The following CCSER1 variants were observed in gnomAD, a reference collection of about 807,000 sequenced individuals.
The protein encoded by CCSER1 is coiled-coil serine rich protein 1, also known as serine-rich coiled-coil domain-containing protein 1.
CCSER1 carries 41 observed loss-of-function variants against 82.0 expected under a neutral mutation model. That is an observed-to-expected ratio of 0.50 (90% CI 0.39 to 0.65). The LOEUF is 0.65. Among genes scored for constraint, CCSER1 ranks in the 30% least tolerant of loss-of-function variants. The probability of loss-of-function intolerance (pLI) is 0.00; values close to 1 mark genes in which losing one functional copy is unlikely to be tolerated. For missense variants in CCSER1, 1,119 were observed against 1,064.2 expected, an observed-to-expected ratio of 1.05 and a Z score of -0.72; for synonymous variants, 414 against 383.9, an observed-to-expected ratio of 1.08 and a Z score of -0.92.
chr4:90,899,124 C>G (rs1275313005), intron 8 of CCSER1, among the ~76,000 whole-genome samples: 1 of 151,908 alleles, frequency 6.6e-6, no homozygotes, highest in East Asian at 1.9e-4. Flanking sequence ...TTTCTTTCAC[C>G]AGTGTATTGT....
At chr4:90,223,046 G>C (rs1474811500) in intron 1 of CCSER1, among the ~76,000 whole-genome samples, 2 of 152,110 alleles carry the variant, frequency 1.3e-5, no homozygotes, top group Non-Finnish European at 2.9e-5. Context: ...CAGTCAAGAT[G>C]CTGAACAGTT....
chr4:90,912,364 T>TA (rs1343131747), intron 8 of CCSER1, among the ~76,000 whole-genome samples: 1 of 152,152 alleles, frequency 6.6e-6, no homozygotes, highest in Non-Finnish European at 1.5e-5. Flanking sequence ...CCACTGCTGA[T>TA]ACCAAGGCAA....
intron 1 of CCSER1, among the ~76,000 whole-genome samples, chr4:90,132,627 A>G (rs565814608): frequency 6.6e-6 from 1 of 152,172 alleles, no homozygotes; most frequent in African/African-American, 2.4e-5. Context: ...TGCAGCCTAA[A>G]TTTTTTTAAA....
chr4:90,284,511 T>TTTTTTTTG (rs1729500894), intron 1 of CCSER1, among the ~76,000 whole-genome samples: 1 of 133,470 alleles, frequency 7.5e-6, no homozygotes, highest in Non-Finnish European at 1.6e-5. Flanking sequence ...TTTTTTTTTT[T>TTTTTTTTG]GAGACAGGGG....
intron 10 of CCSER1, among the ~76,000 whole-genome samples, chr4:91,234,942 G>A (rs753510153): frequency 1.8e-4 from 28 of 151,908 alleles, no homozygotes; most frequent in Non-Finnish European, 2.9e-4. Context: ...TTTCATCAAA[G>A]CAGTCTATTC....
intron 1 of CCSER1, among the ~76,000 whole-genome samples, chr4:90,305,244 C>T (rs780867942): frequency 6.6e-5 from 10 of 152,062 alleles, no homozygotes; most frequent in Non-Finnish European, 1.5e-4. Flanking sequence ...GATCCAAATG[C>T]AGGAAATACT....
At position 90,470,776 on chromosome 4, in the gene CCSER1, AAAAAAC is replaced by A. The variant is rs1209660949; in HGVS notation, c.1724+2427_1724+2432del. On this transcript the variant is annotated intron_variant, in intron 5 of 10. Coordinates refer to ENST00000509176, the MANE Select transcript of CCSER1 (RefSeq NM_001145065.2). ...TTTAATCAAAGCAAAAAAAAAAAAA[AAAAAAC>A]AAAACACCCAGATTTGAGTGTCATT... 2.0e-4 allele frequency among the ~76,000 whole-genome samples: 30 copies of A among 150,940 alleles called. 1 individual carries two copies. The East Asian group carries it at 4.3e-3, about 22-fold the overall frequency.
chr4:90,856,609 G>A (rs1764491048), intron 8 of CCSER1, among the ~76,000 whole-genome samples: 1 of 151,968 alleles, frequency 6.6e-6, no homozygotes, highest in South Asian at 2.1e-4. Flanking sequence ...AAGAAGTATG[G>A]CATAATAACA....
intron 10 of CCSER1, among the ~76,000 whole-genome samples, chr4:91,546,011 A>G (rs1578751736): frequency 1.3e-5 from 2 of 152,082 alleles, no homozygotes; most frequent in East Asian, 3.9e-4. Flanking sequence ...TAATATTGTC[A>G]GATGTTTTTT....
At chr4:90,611,053 T>TCTTTC (rs1297809889) in intron 5 of CCSER1, among the ~76,000 whole-genome samples, 14 of 128,136 alleles carry the variant, frequency 1.1e-4, no homozygotes, top group African/African-American at 4.5e-4. Context: ...AATTTTCTTT[T>TCTTTC]CTTTTCTTTT....
intron 10 of CCSER1, among the ~76,000 whole-genome samples, chr4:91,191,216 G>A (rs1379384796): frequency 6.6e-6 from 1 of 152,086 alleles, no homozygotes; most frequent in Admixed American, 6.6e-5. Flanking sequence ...TGTGCTCTGA[G>A]TAGCATAATT....
At chr4:91,165,433 T>C (rs1411356333) in intron 10 of CCSER1, among the ~76,000 whole-genome samples, 1 of 152,190 alleles carries the variant, frequency 6.6e-6, no homozygotes, top group South Asian at 2.1e-4. Context: ...GCTCAAACAC[T>C]GAGCTGGGTG....
At chr4:91,508,162 G>GTTTTTTTTTTTTTTTTTTTTTTTTTTTGT (rs139066436) in intron 10 of CCSER1, among the ~76,000 whole-genome samples, 1 of 97,654 alleles carries the variant, frequency 1.0e-5, no homozygotes, top group Non-Finnish European at 1.9e-5. Flanking sequence ...TTTTTTCTGG[G>GTTTTTTTTTTTTTTTTTTTTTTTTTTTGT]TTTTTTTTTT....
rs191427128 is a variant in CCSER1, at chr4:91,381,268, G to T, written c.2218-217304G>T. Among the ~76,000 whole-genome samples the T allele has an allele frequency of 2.3e-3, 356 of 152,012 alleles. 1 individual carries two copies. Among genetic ancestry groups the T allele is most frequent in the South Asian group, 5.4e-3 (26 of 4,808 alleles). On this transcript the variant is annotated intron_variant, in intron 10 of 10. Coordinates refer to ENST00000509176, the MANE Select transcript of CCSER1 (RefSeq NM_001145065.2). ...AGGAGTATCTTTGTGGCATTCTCTG[G>T]GTTTCCTGAATCTGAATGTTGGCCT...
At chr4:91,190,328 C>T (rs954069793) in intron 10 of CCSER1, among the ~76,000 whole-genome samples, 1 of 152,172 alleles carries the variant, frequency 6.6e-6, no homozygotes, top group African/African-American at 2.4e-5. Context: ...CATCTTATCC[C>T]TGCTCTAATG....
intron 4 of CCSER1, among the ~76,000 whole-genome samples, chr4:90,433,923 A>G (rs1396050498): frequency 6.6e-6 from 1 of 151,964 alleles, no homozygotes; most frequent in Non-Finnish European, 1.5e-5. Context: ...ATAAAATTAT[A>G]GGCCAATAGC....
Position 91,127,090 on chromosome 4 carries a change from A to G in CCSER1, c.2217+41096A>G, listed in dbSNP as rs1034572831. Among the ~76,000 whole-genome samples the G allele has an allele frequency of 2.6e-5, 4 of 152,172 alleles. No homozygotes were observed. In the East Asian group the frequency reaches 7.7e-4, roughly 29 times the overall value. ...TCATCATCCCTGGACAGCAACAAAC[A>G]GAACTATGTATCATCGCATACAAAG... On this transcript the variant is annotated intron_variant, in intron 10 of 10. Coordinates refer to ENST00000509176, the MANE Select transcript of CCSER1 (RefSeq NM_001145065.2).
At chr4:91,441,758 G>A (rs909265147) in intron 10 of CCSER1, among the ~76,000 whole-genome samples, 3 of 152,256 alleles carry the variant, frequency 2.0e-5, no homozygotes, top group South Asian at 2.1e-4. Context: ...AAGCTGATAA[G>A]CAACTTCAGC....
chr4:91,043,797 A>G (rs1434176803), intron 9 of CCSER1, among the ~76,000 whole-genome samples: 1 of 152,092 alleles, frequency 6.6e-6, no homozygotes, highest in Non-Finnish European at 1.5e-5. Flanking sequence ...CCTGTTGGCC[A>G]GGTTAGTCTC....
Sources: gnomAD v4.1 joint callset for allele counts (sites outside exome capture counted in the v4.1 genomes callset) on GRCh38, gnomAD v4.1.1 for gene constraint, MANE v1.5 for transcripts, NCBI Gene and HGNC (gene_info 2026-07-23, HGNC 2026-07-21) for gene names.